Variants in MXD4 observed in about 807,000 individuals in gnomAD.
MXD4 encodes Mad4 homolog.
A neutral mutation model predicts 24.5 loss-of-function variants in MXD4; 16 were observed. The observed-to-expected ratio is 0.65, with a 90% confidence interval of 0.44 to 0.99. The LOEUF (loss-of-function observed/expected upper bound fraction) is 0.99, where lower values mean the gene tolerates loss of function less well. Among genes scored for constraint, MXD4 ranks in the 50% least tolerant of loss-of-function variants. The pLI, the probability that MXD4 is intolerant of heterozygous loss-of-function variation, is 0.00. For synonymous variants in MXD4, 164 were observed against 134.2 expected (o/e 1.22, Z -1.54); for missense variants, 301 against 301.5 (o/e 1.00, Z 0.01).
intron 3 of MXD4, chr4:2,252,858 G>C (rs927683124): frequency 7.4e-6 from 2 of 270,682 alleles, no homozygotes; most frequent in African/African-American, 5.1e-5. Context: ...ATGCAGGGAG[G>C]GGTGGGGTGA....
At chr4:2,258,085 A>T in intron 2 of MXD4, 74 bp from the exon 3 acceptor site, 1 of 1,573,816 alleles carries the variant, frequency 6.4e-7, no homozygotes. Context: ...GTGCTCTCCT[A>T]GGGGGCCAGG....
rs1389758074 is a variant in MXD4, at chr4:2,250,543, C to T, written c.*1G>A. On this transcript the variant is annotated 3_prime_UTR_variant, in exon 6 of 6. Coordinates refer to ENST00000337190, the MANE Select transcript of MXD4 (RefSeq NM_006454.3). ...CAGGCCAAGGAGCAGAGGGCACGGG[C>T]CTACGAGAGGGCGGGGCGGCCCAGC... The T allele has an allele frequency of 6.3e-7, 1 of 1,577,348 alleles. No homozygotes were observed. The highest frequency in any genetic ancestry group is 1.3e-5 in the African/African-American group (1 of 74,210).
At chr4:2,257,666 G>T (rs1373072240) in intron 3 of MXD4, among the ~76,000 whole-genome samples, 1 of 152,212 alleles carries the variant, frequency 6.6e-6, no homozygotes, top group Non-Finnish European at 1.5e-5. Flanking sequence ...CCTCCTGATT[G>T]GAGACCACTG....
chr4:2,254,042 TG>T (rs1735375280), intron 3 of MXD4: 1 of 152,236 alleles, frequency 6.6e-6, no homozygotes, highest in Non-Finnish European at 1.5e-5. Flanking sequence ...GCCACTGTAC[TG>T]CAGCCACCAC....
At chr4:2,251,353 T>G (rs903774250) in intron 4 of MXD4, 107 bp from the exon 5 acceptor site, 2 of 1,330,058 alleles carry the variant, frequency 1.5e-6, no homozygotes, top group Non-Finnish European at 2.0e-6. Flanking sequence ...TCCCCATCCC[T>G]GCCAAGACCT....
intron 4 of MXD4, among the ~76,000 whole-genome samples, chr4:2,251,904 A>G (rs1370870635): frequency 6.6e-6 from 1 of 152,166 alleles, no homozygotes; most frequent in Non-Finnish European, 1.5e-5. Flanking sequence ...AGGGCTGTCA[A>G]AAGTCCTTTG....
chr4:2,252,754 G>A (rs1735350896), intron 3 of MXD4: 24 of 496,410 alleles, frequency 4.8e-5, no homozygotes, highest in South Asian at 4.5e-4. Flanking sequence ...ACCATGGCCT[G>A]CAAAGCCTCA....
In MXD4 at chr4:2,250,472, A is replaced by T; in HGVS notation, c.*72T>A. 1 of 1,453,504 alleles carries T rather than the reference A, an allele frequency of 6.9e-7. No homozygotes were observed. The highest frequency in any genetic ancestry group is 9.1e-7 in the Non-Finnish European group (1 of 1,094,332). The allele number at this position is 1,453,504 out of a possible 1,614,324, so 90.0% of individuals were successfully genotyped here. A position where few individuals can be genotyped will look rare whatever the true frequency, so the allele number is the denominator to read the frequency against. The stretch of plus-strand genomic sequence containing the variant: ...GTGGGCCTGTGGAGAGGCTGGCGTC[A>T]ACTGAAGGAGAACTGGAGGGCTGAC... On this transcript the variant is annotated 3_prime_UTR_variant, in exon 6 of 6. Transcript: ENST00000337190.
chr4:2,261,440 G>A (rs1010500912), intron 2 of MXD4, among the ~76,000 whole-genome samples: 2 of 152,098 alleles, frequency 1.3e-5, no homozygotes, highest in Non-Finnish European at 2.9e-5. Flanking sequence ...CGGGGGCGGG[G>A]AGCGGGCGCG....
chr4:2,250,955 C>A (rs759864321), intron 5 of MXD4, 129 bp downstream of exon 5: 2 of 1,253,816 alleles, frequency 1.6e-6, no homozygotes, highest in Non-Finnish European at 2.1e-6. Flanking sequence ...CAAACACACA[C>A]CCCAGTGCAG....
Position 2,251,084 on chromosome 4 carries a change from C to A in MXD4, c.472G>T (p.Glu158Ter). 6.4e-7 allele frequency: 1 copy of A among 1,568,214 alleles called. No individual in the cohort carries two copies. Among genetic ancestry groups the A allele is most frequent in the African/African-American group, 1.4e-5 (1 of 73,930 alleles). ...SAVSTDDSEQ[E>*]VDIEGMEFGP... ...GGCTGCCCCGCGCCCCACGCCCCAC[C>A]TTGCTCTGAGTCGTCCGTGGAGACA... The change falls in exon 5 of 6, where the codon GAA becomes TAA. Residue 158 changes from glutamate (E) to a stop codon, truncating the protein, a stop_gained and splice_region_variant. Transcript: ENST00000337190. LOFTEE classifies it high-confidence loss of function.
rs77462030 is a variant in MXD4 at position 2,257,591 on chromosome 4, G to A, written c.194+391C>T. On this transcript the variant is annotated intron_variant, in intron 3 of 5. Transcript: ENST00000337190. ...ACTGGCTGCCCTCCATCTGCCCCTCGGACAAGACTCTAGCACGGCTTCTTG... is the reference window on the plus strand; with the variant it reads ...ACTGGCTGCCCTCCATCTGCCCCTCAGACAAGACTCTAGCACGGCTTCTTG... 2.4e-3 allele frequency among the ~76,000 whole-genome samples: 369 copies of A among 152,338 alleles called. 3 individuals carry two copies. Among genetic ancestry groups the A allele is most frequent in the African/African-American group, 8.5e-3 (352 of 41,580 alleles).
intron 2 of MXD4, among the ~76,000 whole-genome samples, chr4:2,258,627 T>G (rs1333196161): frequency 6.6e-6 from 1 of 152,188 alleles, no homozygotes; most frequent in South Asian, 2.1e-4. Context: ...GGTCCTGTCC[T>G]GACACCACCA....
intron 3 of MXD4, among the ~76,000 whole-genome samples, chr4:2,256,406 G>A (rs1333122576): frequency 1.3e-5 from 2 of 152,208 alleles, no homozygotes; most frequent in Admixed American, 1.3e-4. Flanking sequence ...TCCGGGCAAA[G>A]CGATGTCCAG....
Position 2,252,468 on chromosome 4 carries a change from G to C in MXD4, c.249C>G (p.Gly83=). 6.2e-7 allele frequency: 1 copy of C among 1,612,108 alleles called. No homozygotes were observed. Among genetic ancestry groups the C allele is most frequent in the Non-Finnish European group, 8.5e-7 (1 of 1,179,976 alleles). ...GCGTGGTGTGGCGGGTGCTGTCGGG[G>C]CCCAGGGGCACCAGTTGCTTGAGCT... ...LEQLKQLVPL[G]PDSTRHTTLS... is the part of the protein sequence containing the mutation. Residue 83 remains glycine (G), a synonymous_variant, in exon 4 of 6, where the codon GGC becomes GGG. Transcript: ENST00000337190.
At chr4:2,256,275 C>T (rs1209214894) in intron 3 of MXD4, among the ~76,000 whole-genome samples, 1 of 152,240 alleles carries the variant, frequency 6.6e-6, no homozygotes, top group African/African-American at 2.4e-5. Context: ...TGGCAACGGC[C>T]TCAGACCTGC....
chr4:2,260,286 G>C (rs1577824822), intron 2 of MXD4, among the ~76,000 whole-genome samples: 1 of 152,362 alleles, frequency 6.6e-6, no homozygotes, highest in Middle Eastern at 3.4e-3. Context: ...ATCAGAGATG[G>C]GTGAGTGGCA....
intron 3 of MXD4, chr4:2,253,697 G>GC (rs1249880269): frequency 6.6e-6 from 1 of 152,244 alleles, no homozygotes; most frequent in African/African-American, 2.4e-5. Context: ...AGTAACGTCG[G>GC]CAGGGACAGC....
chr4:2,261,351 C>T (rs1208917102), intron 2 of MXD4, among the ~76,000 whole-genome samples: 2 of 152,232 alleles, frequency 1.3e-5, no homozygotes, highest in Non-Finnish European at 2.9e-5. Flanking sequence ...CCTGGCTGAG[C>T]CTGTTTCCCC....
Sources: allele counts gnomAD v4.1 joint callset (sites outside exome capture counted in the v4.1 genomes callset), GRCh38; gene constraint gnomAD v4.1.1; transcripts MANE v1.5; gene names NCBI Gene and HGNC (gene_info 2026-07-23, HGNC 2026-07-21).